The following AGO4 variants were observed in gnomAD, a reference collection of about 807,000 sequenced individuals.
The protein encoded by AGO4 is protein argonaute-4.
Under a neutral mutation model 104.7 loss-of-function variants are expected in AGO4, and 33 were observed. The ratio of observed to expected loss-of-function variants is 0.32; its 90% CI spans 0.24 to 0.42. The LOEUF (loss-of-function observed/expected upper bound fraction) is 0.42. Among genes scored for constraint, AGO4 ranks in the 10% least tolerant of loss-of-function variants. The pLI is 1.00. For missense variants in AGO4, 711 were observed against 1,083.4 expected, an observed-to-expected ratio of 0.66 and a Z score of 4.83; for synonymous variants, 331 against 364.7, an observed-to-expected ratio of 0.91 and a Z score of 1.05.
chr1:35,813,623 G>C (rs1001462446), intron 1 of AGO4, among the ~76,000 whole-genome samples: 1 of 151,374 alleles, frequency 6.6e-6, no homozygotes, highest in African/African-American at 2.4e-5. Flanking sequence ...AATTAGCTGG[G>C]GTGGTATCTC....
chr1:35,852,623 C>G lies in AGO4; in HGVS notation c.2478-874C>G, dbSNP rs145716239. 2.0e-3 allele frequency among the ~76,000 whole-genome samples: 304 copies of G among 152,258 alleles called. 2 individuals are homozygous for G. The highest frequency in any genetic ancestry group is 7.1e-3 in the African/African-American group (294 of 41,550). ...ACTTTGTTGTATTATGTGCTAGACA[C>G]CAAGGATACAGTGGTGAGCAAGGTG... On this transcript the variant is annotated intron_variant, in intron 17 of 17. Transcript: ENST00000373210.
intron 11 of AGO4, among the ~76,000 whole-genome samples, chr1:35,833,273 G>A (rs59703600): frequency 0.027 from 4,166 of 151,632 alleles, 194 homozygotes; most frequent in African/African-American, 0.093. Context: ...GCAAGACTGC[G>A]TCTCAAAAAA....
At chr1:35,847,620 T>G (rs1644603303) in intron 15 of AGO4, among the ~76,000 whole-genome samples, 1 of 152,238 alleles carries the variant, frequency 6.6e-6, no homozygotes, top group Admixed American at 6.5e-5. Context: ...ATCTCTAGAT[T>G]ACTTATAATA....
chr1:35,834,124 T>G lies in AGO4; in HGVS notation c.1514T>G (p.Val505Gly). 6.2e-7 allele frequency: 1 copy of G among 1,610,632 alleles called. No individual in the cohort carries two copies. The highest frequency in any genetic ancestry group is 1.1e-5 in the South Asian group (1 of 90,302). The part of the protein sequence containing the change: ...PMFKHLKMTY[V>G]GLQLIVVILP... ...TTTAAACATCTGAAAATGACTTATGTGGGCCTACAGCTAATAGTGGTTATC... is the reference window on the plus strand; with the variant it reads ...TTTAAACATCTGAAAATGACTTATGGGGGCCTACAGCTAATAGTGGTTATC... The change falls in exon 12 of 18, where the codon GTG becomes GGG. Residue 505 changes from valine to glycine, a missense_variant. Physicochemically the swap from Val to Gly is moderately radical, Grantham distance 109. This residue lies in a region of AGO4 where 401 missense variants were observed against 665.5 expected (regional missense o/e 0.60). Coordinates refer to ENST00000373210, the MANE Select transcript of AGO4 (RefSeq NM_017629.4).
chr1:35,842,600 G>A (rs1367567504), intron 15 of AGO4, among the ~76,000 whole-genome samples: 5 of 152,114 alleles, frequency 3.3e-5, no homozygotes, highest in East Asian at 3.9e-4. Context: ...TCAGGAGTTC[G>A]AGGCCAGCCT....
intron 2 of AGO4, among the ~76,000 whole-genome samples, chr1:35,819,474 G>C (rs746686724): frequency 3.3e-5 from 5 of 151,676 alleles, no homozygotes; most frequent in Non-Finnish European, 5.9e-5. Context: ...CACATCTTTG[G>C]ATGTGAGCAC....
intron 2 of AGO4, among the ~76,000 whole-genome samples, chr1:35,818,547 C>A (rs139931578): frequency 1.3e-5 from 2 of 152,070 alleles, no homozygotes; most frequent in East Asian, 1.9e-4. Context: ...TCACTTGAAT[C>A]TGGGAGACGG....
At chr1:35,831,178 G>A (rs993894860) in intron 7 of AGO4, among the ~76,000 whole-genome samples, 6 of 151,732 alleles carry the variant, frequency 4.0e-5, no homozygotes, top group Non-Finnish European at 8.8e-5. Context: ...CCTGACCAAC[G>A]TGGTGAAACC....
Position 35,857,139 on chromosome 1 carries a change from C to T in AGO4, c.*3534C>T, listed in dbSNP as rs1644834841. 1 of 152,116 alleles carries T rather than the reference C, an allele frequency of 6.6e-6. No homozygotes were observed. The highest frequency in any genetic ancestry group is 2.1e-4 in the South Asian group (1 of 4,824). The allele number at this position is 152,116 out of a possible 1,614,324, so 9.4% of individuals were successfully genotyped here. On this transcript the variant is annotated 3_prime_UTR_variant, in exon 18 of 18. Coordinates refer to ENST00000373210, the MANE Select transcript of AGO4 (RefSeq NM_017629.4). ...ACCCTTCAAGTGGGAAAATATAATC[C>T]ACTGTTTAACAAGGCTCACCCTCTC...
chr1:35,843,528 A>G (rs1352257523), intron 15 of AGO4, among the ~76,000 whole-genome samples: 1 of 152,194 alleles, frequency 6.6e-6, no homozygotes, highest in South Asian at 2.1e-4. Flanking sequence ...ACTTCTTACC[A>G]ACTGGGCTTT....
intron 13 of AGO4, among the ~76,000 whole-genome samples, chr1:35,840,208 A>C (rs1415742599): frequency 1.3e-5 from 2 of 151,128 alleles, no homozygotes; most frequent in East Asian, 4.0e-4. Flanking sequence ...CCCAGGCTGG[A>C]GTGCAGTGGT....
At chr1:35,824,558 G>A (rs2148660099) in intron 3 of AGO4, among the ~76,000 whole-genome samples, 1 of 143,354 alleles carries the variant, frequency 7.0e-6, no homozygotes, top group South Asian at 2.2e-4. Context: ...CAGTGCTGTG[G>A]GAGATCGAGG....
rs751696926 is a variant in AGO4, at chr1:35,855,464, G to A, written c.*1859G>A. ...ACATTTCCATGTGCTGTTGATCAACGGCGCCACCTGTGTTTGCTGAGACTG... is the reference window on the plus strand; with the variant it reads ...ACATTTCCATGTGCTGTTGATCAACAGCGCCACCTGTGTTTGCTGAGACTG... On this transcript the variant is annotated 3_prime_UTR_variant, in exon 18 of 18. Coordinates refer to ENST00000373210, the MANE Select transcript of AGO4 (RefSeq NM_017629.4). 2.6e-5 allele frequency: 4 copies of A among 152,400 alleles called. 1 individual carries two copies. Among genetic ancestry groups the A allele is most frequent in the African/African-American group, 7.3e-5 (3 of 41,364 alleles). The allele number at this position is 152,400 out of a possible 1,614,324, so 9.4% of individuals were successfully genotyped here.
upstream of AGO4, among the ~76,000 whole-genome samples, chr1:35,807,701 AAGG>A (rs1643340739): frequency 6.6e-6 from 1 of 152,160 alleles, no homozygotes; most frequent in Admixed American, 6.5e-5. Flanking sequence ...TGAAGGGATG[AAGG>A]AGGACTGCTA....
intron 13 of AGO4, among the ~76,000 whole-genome samples, chr1:35,840,245 C>T (rs1644408405): frequency 1.3e-5 from 2 of 152,014 alleles, no homozygotes; most frequent in South Asian, 2.1e-4. Flanking sequence ...GCAACCTCCA[C>T]CTTCCTGGTT....
upstream of AGO4, among the ~76,000 whole-genome samples, chr1:35,807,803 T>G (rs1643342829): frequency 6.6e-6 from 1 of 152,112 alleles, no homozygotes; most frequent in Non-Finnish European, 1.5e-5. Flanking sequence ...CCTGTGAATC[T>G]CAGTACACTT....
rs1000143431 is a variant in AGO4 at position 35,854,541 on chromosome 1, T to C, written c.*936T>C. 1.3e-5 allele frequency: 2 copies of C among 152,676 alleles called. No individual in the cohort carries two copies. The highest frequency in any genetic ancestry group is 4.8e-5 in the African/African-American group (2 of 41,462). The allele number at this position is 152,676 out of a possible 1,614,324, so 9.5% of individuals were successfully genotyped here. On this transcript the variant is annotated 3_prime_UTR_variant, in exon 18 of 18. Transcript: ENST00000373210. ...TCTTCCTTCCCCAACAATGTAGTTT[T>C]CTAGATGAGATTTCAGTATGATTTT... is the stretch of plus-strand genomic sequence containing the variant.
Position 35,832,431 on chromosome 1 carries a change from T to C in AGO4, c.1246-6T>C, listed in dbSNP as rs1162509787. ...CTTCTTCTTCTTCTTTTTTTTTTTTTCAAAGAATAAAACAGTAGCCACACC... is the reference window on the plus strand; with the variant it reads ...CTTCTTCTTCTTCTTTTTTTTTTTTCCAAAGAATAAAACAGTAGCCACACC... On this transcript the variant is annotated splice_polypyrimidine_tract_variant and splice_region_variant and intron_variant, in intron 10 of 17. Coordinates refer to ENST00000373210, the MANE Select transcript of AGO4 (RefSeq NM_017629.4). The C allele has an allele frequency of 3.8e-6, 6 of 1,558,790 alleles. No homozygotes were observed. Among genetic ancestry groups the C allele is most frequent in the Middle Eastern group, 1.7e-4 (1 of 5,810 alleles).
rs1045997474 is a variant in AGO4 at position 35,808,781 on chromosome 1, G to A, written c.19+346G>A. The stretch of plus-strand genomic sequence containing the variant: ...TCAGAAGGGGGCGATCCGCTACCCA[G>A]TGCGCGCGGAGGCCTGGCCCAGACC... On this transcript the variant is annotated intron_variant, in intron 1 of 17. Transcript: ENST00000373210. This position sits in a 1 kb window ranked among gnomAD's most constrained non-coding sequence, Gnocchi z 5.2. 1.3e-5 allele frequency among the ~76,000 whole-genome samples: 2 copies of A among 152,216 alleles called. No homozygotes were observed. The highest frequency in any genetic ancestry group is 6.5e-5 in the Admixed American group (1 of 15,292).
Sources: gnomAD v4.1 joint callset for allele counts (sites outside exome capture counted in the v4.1 genomes callset) on GRCh38, gnomAD v4.1.1 for gene constraint, gnomAD v4.1.1 regional missense constraint, Gnocchi (gnomAD v3.1) non-coding constraint, MANE v1.5 for transcripts, NCBI Gene and HGNC (gene_info 2026-07-23, HGNC 2026-07-21) for gene names.